Variants in TGFBRAP1 observed in about 807,000 individuals in gnomAD.
TGFBRAP1 encodes the protein transforming growth factor beta receptor associated protein 1, also known as transforming growth factor-beta receptor-associated protein 1.
TGFBRAP1 carries 20 observed loss-of-function variants against 83.2 expected under a neutral mutation model. The observed-to-expected ratio is 0.24, with a 90% CI of 0.17 to 0.35. TGFBRAP1 has a LOEUF of 0.35. Ranked by LOEUF, TGFBRAP1 falls within the 10% of genes least tolerant of loss-of-function variation. The pLI is 1.00. For missense variants in TGFBRAP1, 950 were observed against 1,099.4 expected, an observed-to-expected ratio of 0.86 and a Z score of 1.92; for synonymous variants, 415 against 459.8, an observed-to-expected ratio of 0.90 and a Z score of 1.25.
At chr2:105,276,335 G>T (rs1404091690) in intron 7 of TGFBRAP1, among the ~76,000 whole-genome samples, 1 of 152,164 alleles carries the variant, frequency 6.6e-6, no homozygotes, top group Non-Finnish European at 1.5e-5. Flanking sequence ...TCACTTGGGG[G>T]TAGAAAGGAT....
intron 4 of TGFBRAP1, among the ~76,000 whole-genome samples, chr2:105,287,270 G>A (rs907615624): frequency 1.3e-5 from 2 of 152,316 alleles, no homozygotes; most frequent in Admixed American, 1.3e-4. Flanking sequence ...AAGGTCTGGA[G>A]ATGGTGGGTG....
At chr2:105,257,371 C>T in the TGFBRAP1 span, among the ~76,000 whole-genome samples, 1 of 151,932 alleles carries the variant, frequency 6.6e-6, no homozygotes, top group Admixed American at 6.6e-5. Context: ...GCAATCATCA[C>T]CACCATCAGA....
chr2:105,267,300 A>C lies in TGFBRAP1; in HGVS notation c.*83T>G. ...TGTCTCCCTTCGTCCTGGCTGACAC[A>C]GAGCATGGTGGTCATCTGCTCTTCA... On this transcript the variant is annotated 3_prime_UTR_variant, in exon 12 of 12. Coordinates refer to ENST00000393359, the MANE Select transcript of TGFBRAP1 (RefSeq NM_004257.6). 1 of 1,551,290 alleles carries C rather than the reference A, an allele frequency of 6.4e-7. No individual in the cohort carries two copies.
chr2:105,327,654 A>T (rs1679261747), intron 1 of TGFBRAP1, among the ~76,000 whole-genome samples: 1 of 151,874 alleles, frequency 6.6e-6, no homozygotes, highest in South Asian at 2.1e-4. Context: ...TGCTTTTAAA[A>T]CTCCTCAACT....
chr2:105,258,607 G>T, the TGFBRAP1 span, among the ~76,000 whole-genome samples: 2 of 151,902 alleles, frequency 1.3e-5, no homozygotes, highest in East Asian at 3.8e-4. Context: ...TATGTCACAG[G>T]TCTTCCTGGG....
intron 2 of TGFBRAP1, among the ~76,000 whole-genome samples, chr2:105,300,409 C>T (rs1459279531): frequency 6.6e-6 from 1 of 151,552 alleles, no homozygotes; most frequent in African/African-American, 2.4e-5. Context: ...AACACTACAA[C>T]CAACATAGGA....
chr2:105,287,599 A>G (rs936171199), intron 4 of TGFBRAP1, among the ~76,000 whole-genome samples: 6 of 152,112 alleles, frequency 3.9e-5, no homozygotes, highest in Non-Finnish European at 8.8e-5. Flanking sequence ...ATCTTTATAC[A>G]GGGAGCAGAA....
rs545619663 is a variant in TGFBRAP1 at position 105,319,717 on chromosome 2, A to C, written c.-18+9908T>G. Among the ~76,000 whole-genome samples the C allele has an allele frequency of 3.3e-5, 5 of 149,990 alleles. No homozygotes were observed. The South Asian group carries it at 1.0e-3, about 31-fold the overall frequency. ...AAAAAAAAAAAAAGGAAAGAAAAAA[A>C]AAGAGGCTTGTAACTCCAACATTAA... On this transcript the variant is annotated intron_variant, in intron 1 of 11. Transcript: ENST00000393359.
At chr2:105,291,314 A>T (rs1677905076) in intron 4 of TGFBRAP1, among the ~76,000 whole-genome samples, 2 of 152,198 alleles carry the variant, frequency 1.3e-5, no homozygotes, top group Non-Finnish European at 2.9e-5. Flanking sequence ...CCCAGACTCC[A>T]AACGTACAGA....
intron 4 of TGFBRAP1, among the ~76,000 whole-genome samples, chr2:105,289,231 G>C (rs756502533): frequency 1.3e-5 from 2 of 152,024 alleles, no homozygotes; most frequent in Non-Finnish European, 2.9e-5. Context: ...AACTCTCTTG[G>C]GAAGGATATA....
chr2:105,280,355 T>G (rs766395316), intron 6 of TGFBRAP1, 27 bp downstream of exon 6: 3 of 1,602,252 alleles, frequency 1.9e-6, no homozygotes, highest in South Asian at 1.1e-5. Flanking sequence ...CGGGAAGCCC[T>G]GATCATATCA....
At chr2:105,310,118 T>G (rs553013375) in intron 1 of TGFBRAP1, among the ~76,000 whole-genome samples, 1 of 152,340 alleles carries the variant, frequency 6.6e-6, no homozygotes, top group African/African-American at 2.4e-5. Flanking sequence ...ACTTGGCTAT[T>G]CCAGCCTCAA....
At chr2:105,285,301 C>T (rs918821438) in intron 4 of TGFBRAP1, among the ~76,000 whole-genome samples, 2 of 152,212 alleles carry the variant, frequency 1.3e-5, no homozygotes, top group Admixed American at 6.5e-5. Context: ...ACTCACCTAG[C>T]GTCTCCCACT....
chr2:105,321,063 G>T (rs1367338666), intron 1 of TGFBRAP1, among the ~76,000 whole-genome samples: 1 of 152,206 alleles, frequency 6.6e-6, no homozygotes, highest in African/African-American at 2.4e-5. Flanking sequence ...TCCTCTGACT[G>T]GCTGATGGCA....
chr2:105,302,188 T>C (rs1364029547), intron 2 of TGFBRAP1, among the ~76,000 whole-genome samples: 2 of 152,212 alleles, frequency 1.3e-5, no homozygotes, highest in Admixed American at 1.3e-4. Flanking sequence ...CACACAAGTT[T>C]GGACAACATC....
At chr2:105,322,785 T>C (rs1297563751) in intron 1 of TGFBRAP1, among the ~76,000 whole-genome samples, 2 of 152,180 alleles carry the variant, frequency 1.3e-5, no homozygotes, top group Non-Finnish European at 2.9e-5. Context: ...AATTGCCCCA[T>C]GGGAGATTTC....
intron 2 of TGFBRAP1, among the ~76,000 whole-genome samples, chr2:105,304,711 A>T (rs1468742026): frequency 6.6e-6 from 1 of 152,204 alleles, no homozygotes; most frequent in African/African-American, 2.4e-5. Flanking sequence ...TGAACCCAGG[A>T]GGCGGAGGTT....
intron 5 of TGFBRAP1, among the ~76,000 whole-genome samples, chr2:105,283,929 C>T (rs1423090870): frequency 1.3e-5 from 2 of 152,184 alleles, no homozygotes; most frequent in African/African-American, 4.8e-5. Flanking sequence ...CCCCCCTGCA[C>T]TAAGCTCATA....
chr2:105,260,280 T>A (rs1227817253), downstream of TGFBRAP1, among the ~76,000 whole-genome samples: 2 of 152,088 alleles, frequency 1.3e-5, no homozygotes, highest in African/African-American at 4.8e-5. Context: ...CATGGTGGCA[T>A]GCGCCTATAA....
Sources: allele counts gnomAD v4.1 joint callset (sites outside exome capture counted in the v4.1 genomes callset), GRCh38; gene constraint gnomAD v4.1.1; transcripts MANE v1.5; gene names NCBI Gene and HGNC (gene_info 2026-07-23, HGNC 2026-07-21).